Variants in PTPRD observed in about 807,000 individuals in gnomAD.
PTPRD encodes the protein protein tyrosine phosphatase receptor type D, also known as receptor-type tyrosine-protein phosphatase delta.
PTPRD carries 34 observed loss-of-function variants against 214.5 expected under a neutral mutation model. That is an observed-to-expected ratio of 0.16 (90% CI 0.12 to 0.21). PTPRD has a LOEUF of 0.21. Ranked by LOEUF, PTPRD falls within the 10% of genes least tolerant of loss-of-function variation. The pLI is 1.00. For synonymous variants in PTPRD, 1,128 were observed against 845.7 expected, an observed-to-expected ratio of 1.33 and a Z score of -5.79; for missense variants, 2,545 against 2,398.7, an observed-to-expected ratio of 1.06 and a Z score of -1.27.
chr9:8,808,030 G>A (rs921409752), intron 11 of PTPRD, among the ~76,000 whole-genome samples: 1 of 152,140 alleles, frequency 6.6e-6, no homozygotes. Context: ...AAATGAAAAT[G>A]CTATGCATTT....
intron 10 of PTPRD, among the ~76,000 whole-genome samples, chr9:9,096,500 T>C (rs1342735458): frequency 6.6e-6 from 1 of 152,218 alleles, no homozygotes; most frequent in African/African-American, 2.4e-5. Flanking sequence ...TCCATGACTC[T>C]TTTTACAATT....
intron 8 of PTPRD, among the ~76,000 whole-genome samples, chr9:9,404,442 TAG>T (rs2072387900): frequency 6.6e-6 from 1 of 152,000 alleles, no homozygotes. Context: ...GCCAATGGAT[TAG>T]AGAGTAATGA....
chr9:8,619,672 C>G (rs1303839460), intron 14 of PTPRD, among the ~76,000 whole-genome samples: 1 of 151,850 alleles, frequency 6.6e-6, no homozygotes, highest in Non-Finnish European at 1.5e-5. Flanking sequence ...TCTCTTTCTA[C>G]CCAGGTTACA....
intron 14 of PTPRD, among the ~76,000 whole-genome samples, chr9:8,557,196 C>T (rs1455714286): frequency 1.3e-5 from 2 of 151,848 alleles, no homozygotes; most frequent in Admixed American, 6.6e-5. Flanking sequence ...GAAGATGAAC[C>T]ACTCTGGCGC....
intron 11 of PTPRD, among the ~76,000 whole-genome samples, chr9:8,782,735 T>A (rs564018631): frequency 6.6e-6 from 1 of 151,788 alleles, no homozygotes; most frequent in South Asian, 2.1e-4. Flanking sequence ...GTAGCTGGGA[T>A]TACAGGCGCA....
chr9:10,226,203 G>A (rs1457469895), intron 3 of PTPRD, among the ~76,000 whole-genome samples: 1 of 151,984 alleles, frequency 6.6e-6, no homozygotes, highest in Non-Finnish European at 1.5e-5. Context: ...CCTGGATAAG[G>A]GTGGGTAAGA....
intron 39 of PTPRD, among the ~76,000 whole-genome samples, chr9:8,372,607 A>G (rs1235612530): frequency 6.6e-6 from 1 of 152,010 alleles, no homozygotes; most frequent in East Asian, 1.9e-4. Flanking sequence ...ATGAACTGAT[A>G]GATAACTAGA....
At chr9:10,377,324 G>A (rs2097751095) in intron 2 of PTPRD, among the ~76,000 whole-genome samples, 1 of 151,582 alleles carries the variant, frequency 6.6e-6, no homozygotes, top group Non-Finnish European at 1.5e-5. Flanking sequence ...AAGTTCTAGG[G>A]TACACGAGCA....
intron 12 of PTPRD, among the ~76,000 whole-genome samples, chr9:8,720,090 C>G (rs946770417): frequency 6.6e-6 from 1 of 152,190 alleles, no homozygotes; most frequent in Non-Finnish European, 1.5e-5. Flanking sequence ...CAGGCCTCAG[C>G]TAGAAGATTT....
At chr9:8,902,638 C>G (rs1281185676) in intron 11 of PTPRD, among the ~76,000 whole-genome samples, 1 of 151,956 alleles carries the variant, frequency 6.6e-6, no homozygotes, top group Non-Finnish European at 1.5e-5. Flanking sequence ...AGCCACCACG[C>G]CCAGCCTGGA....
chr9:8,893,388 G>A (rs117519216), intron 11 of PTPRD, among the ~76,000 whole-genome samples: 119 of 152,260 alleles, frequency 7.8e-4, no homozygotes, highest in Non-Finnish European at 1.5e-3. Context: ...AGCTGAGTGT[G>A]GAAAACAAAA....
chr9:10,249,774 C>T (rs1259394586), intron 3 of PTPRD, among the ~76,000 whole-genome samples: 2 of 152,056 alleles, frequency 1.3e-5, no homozygotes, highest in East Asian at 3.9e-4. Flanking sequence ...GGTCTGGTAA[C>T]AAATATCATA....
intron 7 of PTPRD, among the ~76,000 whole-genome samples, chr9:9,694,683 A>G (rs888085100): frequency 6.6e-6 from 1 of 151,978 alleles, no homozygotes; most frequent in Non-Finnish European, 1.5e-5. Flanking sequence ...TCAAACTACC[A>G]CACCAAGTCC....
At chr9:9,123,715 C>A (rs1442339948) in intron 10 of PTPRD, among the ~76,000 whole-genome samples, 1 of 152,140 alleles carries the variant, frequency 6.6e-6, no homozygotes, top group Non-Finnish European at 1.5e-5. Flanking sequence ...CTTTACTTTA[C>A]ATCAAATTAT....
chr9:8,920,905 A>C (rs1171963688), intron 11 of PTPRD, among the ~76,000 whole-genome samples: 1 of 151,920 alleles, frequency 6.6e-6, no homozygotes, highest in East Asian at 1.9e-4. Context: ...CCTCTGCCGC[A>C]CAGGATCAAG....
chr9:9,765,804 G>A (rs1032093580), intron 6 of PTPRD, among the ~76,000 whole-genome samples: 4 of 151,972 alleles, frequency 2.6e-5, no homozygotes, highest in African/African-American at 9.7e-5. Context: ...GGGACTACAG[G>A]CACCCACCAC....
At chr9:10,446,832 A>C (rs60350839) in intron 2 of PTPRD, among the ~76,000 whole-genome samples, 3,664 of 152,236 alleles carry the variant, frequency 0.024, 115 homozygotes, top group African/African-American at 0.075. Flanking sequence ...TTGAAAAGAA[A>C]TGCAAAAAGG....
chr9:9,246,143 G>T (rs2099972960), intron 9 of PTPRD, among the ~76,000 whole-genome samples: 1 of 152,038 alleles, frequency 6.6e-6, no homozygotes, highest in African/African-American at 2.4e-5. Flanking sequence ...TATTTTAGAA[G>T]AAAGGTAGAG....
At chr9:10,080,379 A>G (rs754873933) in intron 3 of PTPRD, among the ~76,000 whole-genome samples, 3 of 152,138 alleles carry the variant, frequency 2.0e-5, no homozygotes, top group Non-Finnish European at 2.9e-5. Context: ...TATGCAGAGT[A>G]CATGTGATAG....
Sources: gnomAD v4.1 joint callset for allele counts (sites outside exome capture counted in the v4.1 genomes callset) on GRCh38, gnomAD v4.1.1 for gene constraint, MANE v1.5 for transcripts, NCBI Gene and HGNC (gene_info 2026-07-23, HGNC 2026-07-21) for gene names.